Variants in ASTN2 observed in about 807,000 individuals in gnomAD.
ASTN2 encodes astrotactin-2.
Under a neutral mutation model 139.8 loss-of-function variants are expected in ASTN2, and 54 were observed. That is an observed-to-expected ratio of 0.39 (90% confidence interval 0.31 to 0.48). ASTN2 has a LOEUF of 0.48. Ranked by LOEUF, ASTN2 falls within the 20% of genes least tolerant of loss-of-function variation. The pLI is 0.95. For synonymous variants in ASTN2, 756 were observed against 719.5 expected, an observed-to-expected ratio of 1.05 and a Z score of -0.81; for missense variants, 1,565 against 1,725.1, an observed-to-expected ratio of 0.91 and a Z score of 1.64.
intron 16 of ASTN2, among the ~76,000 whole-genome samples, chr9:116,706,760 A>ATTTTTTTTT (rs60395133): frequency 1.1e-4 from 10 of 88,040 alleles, no homozygotes; most frequent in Non-Finnish European, 1.5e-4. Flanking sequence ...GCTGGCTAGA[A>ATTTTTTTTT]TTTTTTTTTT....
chr9:117,132,918 C>T (rs1427744444), intron 4 of ASTN2, among the ~76,000 whole-genome samples: 2 of 152,288 alleles, frequency 1.3e-5, no homozygotes, highest in East Asian at 3.9e-4. Flanking sequence ...CTAGCATATT[C>T]TCACGACAGT....
chr9:117,288,253 C>T (rs1034263309), intron 2 of ASTN2, among the ~76,000 whole-genome samples: 4 of 152,094 alleles, frequency 2.6e-5, no homozygotes, highest in Admixed American at 6.5e-5. Context: ...GGTAGATGCT[C>T]GACTCTAGCC....
chr9:117,137,139 A>G (rs1242674000), intron 4 of ASTN2, among the ~76,000 whole-genome samples: 1 of 152,196 alleles, frequency 6.6e-6, no homozygotes, highest in East Asian at 1.9e-4. Context: ...CCCCAGCACT[A>G]ACATGAAGTC....
intron 3 of ASTN2, among the ~76,000 whole-genome samples, chr9:117,189,869 C>A (rs1831301939): frequency 6.6e-6 from 1 of 152,176 alleles, no homozygotes. Flanking sequence ...CTGTGCATCC[C>A]TACCCTTATA....
At chr9:117,150,056 G>A (rs1429863869) in intron 3 of ASTN2, among the ~76,000 whole-genome samples, 1 of 152,138 alleles carries the variant, frequency 6.6e-6, no homozygotes, top group African/African-American at 2.4e-5. Context: ...CTTGTAGGGT[G>A]GTCATGATTT....
At chr9:116,960,250 A>G (rs1490737234) in intron 10 of ASTN2, among the ~76,000 whole-genome samples, 2 of 152,164 alleles carry the variant, frequency 1.3e-5, no homozygotes, top group Non-Finnish European at 2.9e-5. Flanking sequence ...AAAGGGTTTC[A>G]AAAACCTGAG....
At chr9:117,192,391 G>GAAAAAAAAAAAA (rs56332042) in intron 3 of ASTN2, among the ~76,000 whole-genome samples, 1 of 149,532 alleles carries the variant, frequency 6.7e-6, no homozygotes, top group Admixed American at 6.7e-5. Context: ...CAGTGGCAAA[G>GAAAAAAAAAAAA]AAAAAAAAGA....
intron 7 of ASTN2, among the ~76,000 whole-genome samples, chr9:117,003,674 A>G (rs1301210590): frequency 2.0e-5 from 3 of 151,776 alleles, no homozygotes; most frequent in Non-Finnish European, 4.4e-5. Flanking sequence ...GGAGAACAGC[A>G]TTAGAAACCA....
chr9:117,262,397 T>C (rs55713879), intron 2 of ASTN2, among the ~76,000 whole-genome samples: 68 of 123,616 alleles, frequency 5.5e-4, no homozygotes, highest in East Asian at 3.5e-3. Flanking sequence ...CTGTTTCTTT[T>C]TTTATTTATT....
At chr9:117,113,215 A>T (rs1430678436) in intron 4 of ASTN2, among the ~76,000 whole-genome samples, 1 of 152,236 alleles carries the variant, frequency 6.6e-6, no homozygotes, top group Non-Finnish European at 1.5e-5. Context: ...CAAATAACCC[A>T]GATATCCCAT....
intron 17 of ASTN2, among the ~76,000 whole-genome samples, chr9:116,632,200 GAAAGAAAA>G (rs1856810385): frequency 3.1e-5 from 1 of 32,290 alleles, no homozygotes; most frequent in Admixed American, 3.6e-4. Flanking sequence ...GAGAGAGAAA[GAAAGAAAA>G]GAAAGAAAGA....
chr9:116,951,811 T>A (rs16934099), intron 10 of ASTN2, among the ~76,000 whole-genome samples: 7,330 of 152,270 alleles, frequency 0.048, 578 homozygotes, highest in African/African-American at 0.16. Flanking sequence ...ACTTCTAAGG[T>A]CATATCCATT....
chr9:116,729,893 T>C (rs1182905455), intron 14 of ASTN2, among the ~76,000 whole-genome samples: 1 of 152,202 alleles, frequency 6.6e-6, no homozygotes, highest in East Asian at 1.9e-4. Flanking sequence ...CCCTTTTGTA[T>C]GAAAGGTCCT....
intron 19 of ASTN2, among the ~76,000 whole-genome samples, chr9:116,576,693 C>G (rs1351155505): frequency 6.6e-6 from 1 of 152,110 alleles, no homozygotes; most frequent in East Asian, 1.9e-4. Flanking sequence ...CCACAATGAA[C>G]GTTTCGGGCA....
chr9:116,572,157 C>T (rs1853545400), intron 19 of ASTN2, among the ~76,000 whole-genome samples: 1 of 152,140 alleles, frequency 6.6e-6, no homozygotes. Flanking sequence ...GTTTTCCCTG[C>T]CAGCTCCTCC....
intron 2 of ASTN2, among the ~76,000 whole-genome samples, chr9:117,254,359 T>C (rs527620358): frequency 1.2e-4 from 19 of 152,320 alleles, no homozygotes; most frequent in African/African-American, 3.4e-4. Context: ...TTATTATTGA[T>C]ACATTTTCTT....
intron 19 of ASTN2, among the ~76,000 whole-genome samples, chr9:116,510,248 A>G (rs61335258): frequency 0.013 from 1,984 of 152,298 alleles, 37 homozygotes; most frequent in African/African-American, 0.045. Context: ...TCCCAGCACC[A>G]TTTGTTAAAT....
intron 3 of ASTN2, among the ~76,000 whole-genome samples, chr9:117,156,836 G>C (rs1564453801): frequency 6.6e-6 from 1 of 152,020 alleles, no homozygotes; most frequent in Non-Finnish European, 1.5e-5. Flanking sequence ...TGCAGTAACT[G>C]TGGTTTAGTA....
chr9:116,549,445 C>A (rs1564107621), intron 19 of ASTN2, among the ~76,000 whole-genome samples: 1 of 151,958 alleles, frequency 6.6e-6, no homozygotes, highest in East Asian at 1.9e-4. Flanking sequence ...GCAATTGCAA[C>A]CCGGGCAAGA....
Sources: allele counts gnomAD v4.1 joint callset (sites outside exome capture counted in the v4.1 genomes callset), GRCh38; gene constraint gnomAD v4.1.1; transcripts MANE v1.5; gene names NCBI Gene and HGNC (gene_info 2026-07-23, HGNC 2026-07-21).